The following SEMA3A variants were observed in gnomAD, a reference collection of about 807,000 sequenced individuals.
SEMA3A encodes the protein semaphorin-3A.
In SEMA3A, 29 loss-of-function variants were observed where a neutral mutation model predicts 97.9. The observed-to-expected ratio is 0.30, with a 90% CI of 0.22 to 0.40. The LOEUF is 0.40. Ranked by LOEUF, SEMA3A falls within the 10% of genes least tolerant of loss-of-function variation. The probability of loss-of-function intolerance (pLI) is 1.00; values close to 1 mark genes in which losing one functional copy is unlikely to be tolerated. For synonymous variants in SEMA3A, 321 were observed against 323.7 expected, an observed-to-expected ratio of 0.99 and a Z score of 0.09; for missense variants, 763 against 951.3, an observed-to-expected ratio of 0.80 and a Z score of 2.60.
At chr7:84,091,155 G>A (rs376813445) in intron 4 of SEMA3A, among the ~76,000 whole-genome samples, 145 of 23,222 alleles carry the variant, frequency 6.2e-3, no homozygotes, top group African/African-American at 0.013. Flanking sequence ...AAGGAAGGAA[G>A]GAAGGAAGGA....
rs10480533 is a variant in SEMA3A, at chr7:84,477,827, T to C, written c.-246+14633A>G. ...GAATGAAATAAACATACGACCTGCA[T>C]GCAATTTCCGTGAAAGTTATTGATT... is the stretch of plus-strand genomic sequence containing the variant. On this transcript the variant is annotated intron_variant, in intron 1 of 3. Transcript: ENST00000424555. Among the ~76,000 whole-genome samples, 557 of 152,352 alleles carry C rather than the reference T, an allele frequency of 3.7e-3. 5 individuals are homozygous for C. The highest frequency in any genetic ancestry group is 0.013 in the African/African-American group (527 of 41,588).
chr7:84,198,888 G>C (rs904661349), upstream of SEMA3A, among the ~76,000 whole-genome samples: 10 of 152,148 alleles, frequency 6.6e-5, no homozygotes, highest in African/African-American at 2.2e-4. Context: ...TTTCACAACA[G>C]GTTAGTTAAC....
chr7:84,325,791 A>G (rs1400345388), intron 2 of SEMA3A, among the ~76,000 whole-genome samples: 1 of 152,102 alleles, frequency 6.6e-6, no homozygotes, highest in African/African-American at 2.4e-5. Flanking sequence ...ATACATATAC[A>G]TTGTTTAATG....
At chr7:84,399,607 A>T (rs1271041275) in intron 1 of SEMA3A, among the ~76,000 whole-genome samples, 2 of 152,206 alleles carry the variant, frequency 1.3e-5, no homozygotes, top group African/African-American at 4.8e-5. Flanking sequence ...CACCAGGGAG[A>T]ATCCCAAAGC....
intron 2 of SEMA3A, among the ~76,000 whole-genome samples, chr7:84,339,130 C>A (rs993020774): frequency 6.6e-6 from 1 of 151,980 alleles, no homozygotes; most frequent in Non-Finnish European, 1.5e-5. Context: ...AAATGGTGTG[C>A]CCTTGGAAAA....
intron 3 of SEMA3A, among the ~76,000 whole-genome samples, chr7:84,120,541 C>T (rs1795578538): frequency 6.6e-6 from 1 of 152,086 alleles, no homozygotes; most frequent in African/African-American, 2.4e-5. Flanking sequence ...TACCCACAAA[C>T]AGATACAGAC....
At chr7:84,166,408 C>T (rs767174031) in intron 1 of SEMA3A, among the ~76,000 whole-genome samples, 14 of 151,346 alleles carry the variant, frequency 9.3e-5, no homozygotes, top group Admixed American at 9.2e-4. Flanking sequence ...CCCATCTCTA[C>T]TAAAAATACA....
intron 2 of SEMA3A, among the ~76,000 whole-genome samples, chr7:84,308,068 A>G (rs1459161684): frequency 6.6e-6 from 1 of 152,162 alleles, no homozygotes; most frequent in Non-Finnish European, 1.5e-5. Context: ...TATTAACCTT[A>G]TTAAACATTT....
At chr7:84,273,914 GTCAT>G (rs1800219002) in intron 3 of SEMA3A, among the ~76,000 whole-genome samples, 1 of 151,702 alleles carries the variant, frequency 6.6e-6, no homozygotes, top group Non-Finnish European at 1.5e-5. Context: ...CTCATTATGG[GTCAT>G]TCAAATTTCA....
At chr7:84,033,832 G>T (rs1178027664) in intron 6 of SEMA3A, among the ~76,000 whole-genome samples, 1 of 152,004 alleles carries the variant, frequency 6.6e-6, no homozygotes, top group Non-Finnish European at 1.5e-5. Flanking sequence ...TCCCATGGAT[G>T]CACATCCTTT....
At chr7:84,013,840 C>T (rs1222250514) in intron 7 of SEMA3A, among the ~76,000 whole-genome samples, 2 of 152,138 alleles carry the variant, frequency 1.3e-5, no homozygotes, top group Non-Finnish European at 2.9e-5. Context: ...GAGCAAGACT[C>T]TGTCTCAAAA....
chr7:84,350,440 T>C lies in SEMA3A; in HGVS notation c.-169+21384A>G, dbSNP rs532278227. Among the ~76,000 whole-genome samples the C allele has an allele frequency of 2.0e-5, 3 of 152,300 alleles. No homozygotes were observed. In the East Asian group the frequency reaches 5.8e-4, roughly 29 times the overall value. ...TAATTGAATAAAAGTTTTATATGTTTAATAAGTTCATTTTTATTAAAACTG... is the reference window on the plus strand; with the variant it reads ...TAATTGAATAAAAGTTTTATATGTTCAATAAGTTCATTTTTATTAAAACTG... On this transcript the variant is annotated intron_variant, in intron 2 of 3. Coordinates refer to the SEMA3A transcript ENST00000424555.
chr7:83,974,206 A>G (rs562138257), intron 15 of SEMA3A, among the ~76,000 whole-genome samples: 1 of 152,230 alleles, frequency 6.6e-6, no homozygotes, highest in African/African-American at 2.4e-5. Context: ...CCGGCGACAG[A>G]GGAGAGTATC....
At chr7:84,054,831 G>A (rs1396262346) in intron 5 of SEMA3A, among the ~76,000 whole-genome samples, 1 of 148,362 alleles carries the variant, frequency 6.7e-6, no homozygotes, top group Non-Finnish European at 1.5e-5. Context: ...CCATCTTTGT[G>A]GTTTTATCTA....
At position 84,051,517 on chromosome 7, in the gene SEMA3A, T is replaced by C. The variant is rs1399558978; in HGVS notation, c.548-5074A>G. ...CATGATTTGGCTCTCTGTTTGTCTG[T>C]TGATGGTGTATAAGAATGCTTGTGA... On this transcript the variant is annotated intron_variant, in intron 5 of 16. Transcript: ENST00000265362. 2.0e-5 allele frequency among the ~76,000 whole-genome samples: 3 copies of C among 152,194 alleles called. 1 individual carries two copies. The highest frequency in any genetic ancestry group is 7.2e-5 in the African/African-American group (3 of 41,436).
intron 12 of SEMA3A, among the ~76,000 whole-genome samples, chr7:83,992,217 T>C (rs1217586413): frequency 6.6e-6 from 1 of 151,412 alleles, no homozygotes; most frequent in Non-Finnish European, 1.5e-5. Flanking sequence ...CTTTTTTTCT[T>C]TATTAGTCTT....
intron 2 of SEMA3A, among the ~76,000 whole-genome samples, chr7:84,367,042 T>C (rs1199287456): frequency 6.6e-6 from 1 of 151,106 alleles, no homozygotes; most frequent in African/African-American, 2.4e-5. Flanking sequence ...TTAACCAACA[T>C]GTTCAGGGGC....
chr7:84,177,503 T>C (rs1439021548), intron 1 of SEMA3A, among the ~76,000 whole-genome samples: 1 of 152,088 alleles, frequency 6.6e-6, no homozygotes, highest in Non-Finnish European at 1.5e-5. Flanking sequence ...CTTAATGAAA[T>C]TATGGGAACA....
At chr7:84,147,911 C>T (rs937779357) in intron 1 of SEMA3A, among the ~76,000 whole-genome samples, 8 of 151,364 alleles carry the variant, frequency 5.3e-5, no homozygotes, top group African/African-American at 1.9e-4. Flanking sequence ...TTTTTTCCTT[C>T]CTTCCTTTTT....
Sources: allele counts gnomAD v4.1 joint callset (sites outside exome capture counted in the v4.1 genomes callset), GRCh38; gene constraint gnomAD v4.1.1; transcripts MANE v1.5; gene names NCBI Gene and HGNC (gene_info 2026-07-23, HGNC 2026-07-21).